CLSTN2: variants seen among roughly 807,000 people sequenced by gnomAD.
The protein encoded by CLSTN2 is calsyntenin 2, also known as calsyntenin-2.
CLSTN2 carries 48 observed loss-of-function variants against 101.2 expected under a neutral mutation model. The observed-to-expected ratio is 0.47, with a 90% CI of 0.38 to 0.60. CLSTN2 has a LOEUF of 0.60. Among genes scored for constraint, CLSTN2 ranks in the 20% least tolerant of loss-of-function variants. The probability of loss-of-function intolerance (pLI) is 0.00; values close to 1 mark genes in which losing one functional copy is unlikely to be tolerated. For missense variants in CLSTN2, 1,160 were observed against 1,238.2 expected, an observed-to-expected ratio of 0.94 and a Z score of 0.95; for synonymous variants, 481 against 463.6, an observed-to-expected ratio of 1.04 and a Z score of -0.48.
chr3:139,942,420 C>T (rs1289310450), intron 1 of CLSTN2, among the ~76,000 whole-genome samples: 1 of 152,064 alleles, frequency 6.6e-6, no homozygotes, highest in Non-Finnish European at 1.5e-5. Flanking sequence ...GCCTTTGTAC[C>T]GACAGTTCTC....
At chr3:140,039,081 G>A (rs777796516) in intron 1 of CLSTN2, among the ~76,000 whole-genome samples, 5 of 152,090 alleles carry the variant, frequency 3.3e-5, no homozygotes, top group Non-Finnish European at 7.4e-5. Context: ...TTGGAACCTC[G>A]TTCATTCATC....
At chr3:140,033,708 G>A (rs534081257) in intron 1 of CLSTN2, among the ~76,000 whole-genome samples, 46 of 152,322 alleles carry the variant, frequency 3.0e-4, no homozygotes, top group African/African-American at 1.0e-3. Context: ...GGGAGGCTAG[G>A]AAATATCTGA....
chr3:140,287,100 G>A (rs762451396), intron 2 of CLSTN2, among the ~76,000 whole-genome samples: 1 of 152,130 alleles, frequency 6.6e-6, no homozygotes, highest in Non-Finnish European at 1.5e-5. Context: ...GAAACAATAA[G>A]ATCTATCTAG....
At chr3:140,107,681 C>T (rs1202179344) in intron 1 of CLSTN2, among the ~76,000 whole-genome samples, 2 of 152,264 alleles carry the variant, frequency 1.3e-5, no homozygotes, top group African/African-American at 4.8e-5. Flanking sequence ...CCATAAAGTC[C>T]ACAGGCAAAG....
intron 9 of CLSTN2, among the ~76,000 whole-genome samples, chr3:140,535,768 G>C (rs1935347307): frequency 6.6e-6 from 1 of 152,214 alleles, no homozygotes; most frequent in Non-Finnish European, 1.5e-5. Context: ...CAGAGATGAA[G>C]GGGTTTACCC....
chr3:140,219,353 A>G (rs556018250), intron 2 of CLSTN2, among the ~76,000 whole-genome samples: 4 of 151,938 alleles, frequency 2.6e-5, no homozygotes, highest in Admixed American at 6.6e-5. Flanking sequence ...GGGCTCACAC[A>G]TTAGTTGCGC....
chr3:140,047,066 G>A (rs188571698), intron 1 of CLSTN2, among the ~76,000 whole-genome samples: 11 of 152,198 alleles, frequency 7.2e-5, no homozygotes, highest in African/African-American at 2.6e-4. Context: ...CTTCCACCAA[G>A]ATTGCTAGCA....
intron 2 of CLSTN2, among the ~76,000 whole-genome samples, chr3:140,198,827 G>T (rs1345856864): frequency 6.6e-6 from 1 of 152,186 alleles, no homozygotes; most frequent in Admixed American, 6.5e-5. Context: ...TTTAGCCTGT[G>T]GGTTGTGGCC....
chr3:140,229,196 C>G (rs2086350429), intron 2 of CLSTN2, among the ~76,000 whole-genome samples: 1 of 152,142 alleles, frequency 6.6e-6, no homozygotes, highest in Non-Finnish European at 1.5e-5. Context: ...AGCCACCTAT[C>G]CATATCCAGG....
intron 5 of CLSTN2, among the ~76,000 whole-genome samples, chr3:140,425,976 G>A (rs2088561762): frequency 1.3e-5 from 2 of 152,176 alleles, no homozygotes; most frequent in South Asian, 4.1e-4. Context: ...AACTCACAGT[G>A]TGCTTAGAGG....
At position 140,410,260 on chromosome 3, in the gene CLSTN2, G is replaced by A. The variant is rs1287719261; in HGVS notation, c.637+5494G>A. Among the ~76,000 whole-genome samples the A allele has an allele frequency of 2.0e-5, 3 of 151,806 alleles. No homozygotes were observed. In the East Asian group the frequency reaches 5.8e-4, roughly 29 times the overall value. Reference sequence around the variant, plus strand: ...ATGACACATTATAATAAAACTGTCAGTAAATCAAAGACACAGCGAATTTTG... The same window carrying A: ...ATGACACATTATAATAAAACTGTCAATAAATCAAAGACACAGCGAATTTTG... On this transcript the variant is annotated intron_variant, in intron 4 of 16. Coordinates refer to ENST00000458420, the MANE Select transcript of CLSTN2 (RefSeq NM_022131.3).
chr3:139,961,537 G>T (rs1935511173), intron 1 of CLSTN2, among the ~76,000 whole-genome samples: 1 of 152,126 alleles, frequency 6.6e-6, no homozygotes, highest in Non-Finnish European at 1.5e-5. Flanking sequence ...TGATCTGCTG[G>T]TTCTCCAGGT....
At chr3:140,039,899 T>C (rs139470893) in intron 1 of CLSTN2, among the ~76,000 whole-genome samples, 27 of 152,334 alleles carry the variant, frequency 1.8e-4, no homozygotes, top group African/African-American at 5.8e-4. Flanking sequence ...TAACAACTTC[T>C]AAGTATCAAG....
intron 2 of CLSTN2, among the ~76,000 whole-genome samples, chr3:140,302,301 A>G (rs2107910507): frequency 6.6e-6 from 1 of 152,328 alleles, no homozygotes; most frequent in African/African-American, 2.4e-5. Context: ...CCACTTGTTA[A>G]CTGTGCTGAC....
At chr3:140,288,782 G>A (rs960131656) in intron 2 of CLSTN2, among the ~76,000 whole-genome samples, 2 of 152,114 alleles carry the variant, frequency 1.3e-5, no homozygotes, top group African/African-American at 4.8e-5. Flanking sequence ...GAGCCAGGCT[G>A]GGGAACTAAT....
chr3:140,467,401 A>C (rs777213754), intron 8 of CLSTN2, among the ~76,000 whole-genome samples: 1 of 152,220 alleles, frequency 6.6e-6, no homozygotes, highest in Non-Finnish European at 1.5e-5. Context: ...GCGTCTGTGT[A>C]GCAAGACTAG....
At chr3:140,173,087 T>C (rs1195278703) in intron 1 of CLSTN2, among the ~76,000 whole-genome samples, 1 of 152,222 alleles carries the variant, frequency 6.6e-6, no homozygotes, top group Admixed American at 6.5e-5. Context: ...TAAAGTGTCA[T>C]CTGAGACAAG....
chr3:139,948,465 G>GA (rs908899359), intron 1 of CLSTN2, among the ~76,000 whole-genome samples: 21 of 140,986 alleles, frequency 1.5e-4, no homozygotes, highest in Non-Finnish European at 2.3e-4. Context: ...TCCATCTCAA[G>GA]AAAAAAAAAA....
At chr3:140,405,399 G>A (rs1177131760) in intron 4 of CLSTN2, among the ~76,000 whole-genome samples, 2 of 152,082 alleles carry the variant, frequency 1.3e-5, no homozygotes, top group Admixed American at 6.5e-5. Context: ...GGCTAATTTT[G>A]TATTTTTAGT....
Sources: gnomAD v4.1 joint callset for allele counts (sites outside exome capture counted in the v4.1 genomes callset) on GRCh38, gnomAD v4.1.1 for gene constraint, MANE v1.5 for transcripts, NCBI Gene and HGNC (gene_info 2026-07-23, HGNC 2026-07-21) for gene names.